Variants in DTX1 observed in about 807,000 individuals in gnomAD.
The protein encoded by DTX1 is E3 ubiquitin-protein ligase DTX1.
In DTX1, 26 loss-of-function variants were observed where a neutral mutation model predicts 57.8. The ratio of observed to expected loss-of-function variants is 0.45; its 90% CI spans 0.33 to 0.62. The LOEUF is 0.62. DTX1 is among the 20% of genes least tolerant of loss of function. The pLI, the probability that DTX1 is intolerant of heterozygous loss-of-function variation, is 0.02. For missense variants in DTX1, 704 were observed against 895.3 expected, an observed-to-expected ratio of 0.79 and a Z score of 2.73; for synonymous variants, 398 against 394.1, an observed-to-expected ratio of 1.01 and a Z score of -0.12.
intron 3 of DTX1, among the ~76,000 whole-genome samples, chr12:113,085,431 A>G (rs193019994): frequency 3.7e-4 from 57 of 152,300 alleles, no homozygotes; most frequent in Admixed American, 3.6e-3. Flanking sequence ...GATAATTCCT[A>G]AAGAGACGTC....
chr12:113,072,064 C>T (rs144525161), intron 2 of DTX1, among the ~76,000 whole-genome samples: 23 of 152,336 alleles, frequency 1.5e-4, no homozygotes, highest in African/African-American at 5.3e-4. Context: ...CCTGAGGGTC[C>T]TCCCCAGGGA....
chr12:113,079,196 G>A (rs1193196036), intron 3 of DTX1, among the ~76,000 whole-genome samples: 1 of 152,100 alleles, frequency 6.6e-6, no homozygotes, highest in Non-Finnish European at 1.5e-5. Flanking sequence ...CAAAGACCTT[G>A]AACTTGGGAC....
intron 3 of DTX1, among the ~76,000 whole-genome samples, chr12:113,080,089 A>T (rs1022097389): frequency 7.2e-6 from 1 of 139,058 alleles, no homozygotes; most frequent in African/African-American, 2.6e-5. Context: ...TTTTCCAGGG[A>T]TGCATCACAG....
rs763197363 is a variant in DTX1 at position 113,077,390 on chromosome 12, C to T, written c.260-34C>T. 6.4e-7 allele frequency: 1 copy of T among 1,564,676 alleles called. No homozygotes were observed. The highest frequency in any genetic ancestry group is 2.2e-5 in the East Asian group (1 of 44,566). On this transcript the variant is annotated intron_variant, in intron 2 of 9. Coordinates refer to ENST00000548759, the MANE Select transcript of DTX1 (RefSeq NM_004416.3). This position sits in a 1 kb window ranked among gnomAD's most constrained non-coding sequence, Gnocchi z 7.8. ...TTCCAGCCGCGCAGACCAACGCCCG[C>T]TGTGCTGACGCCTCCTCCCCATTTC...
At chr12:113,088,991 G>A (rs1950226768) in intron 3 of DTX1, among the ~76,000 whole-genome samples, 1 of 152,158 alleles carries the variant, frequency 6.6e-6, no homozygotes, top group African/African-American at 2.4e-5. Context: ...CTCTAGCCAG[G>A]ACAACAGAGC....
intron 3 of DTX1, among the ~76,000 whole-genome samples, chr12:113,085,053 C>CTT (rs139788602): frequency 1.3e-3 from 191 of 142,778 alleles, no homozygotes; most frequent in East Asian, 0.011. Flanking sequence ...GGCCCGTACC[C>CTT]TTTTTTTTTT....
chr12:113,060,663 A>G (rs1389418417), intron 2 of DTX1, among the ~76,000 whole-genome samples: 4 of 152,236 alleles, frequency 2.6e-5, no homozygotes, highest in African/African-American at 9.6e-5. Context: ...AGAACTTTGA[A>G]TTTGATCCAG....
At chr12:113,074,998 A>G (rs759473108) in intron 2 of DTX1, among the ~76,000 whole-genome samples, 3 of 152,172 alleles carry the variant, frequency 2.0e-5, no homozygotes, top group South Asian at 4.1e-4. Context: ...AAACCTCTCC[A>G]GGGAAGGGTC....
rs1728230622 is a variant in DTX1, at chr12:113,058,031, T to C, written c.-162T>C. On this transcript the variant is annotated 5_prime_UTR_variant, in exon 2 of 10. Transcript: ENST00000548759. ...CCTGGATGGCCATCCCACATTCCTTTAACGGAGGTCTCTAGGCCTCAGAGA... is the reference window on the plus strand; with the variant it reads ...CCTGGATGGCCATCCCACATTCCTTCAACGGAGGTCTCTAGGCCTCAGAGA... 8.3e-7 allele frequency: 1 copy of C among 1,201,936 alleles called. No homozygotes were observed. Among genetic ancestry groups the C allele is most frequent in the Non-Finnish European group, 1.1e-6 (1 of 888,224 alleles). 74.5% of individuals were successfully genotyped at this position (1,201,936 alleles called of 1,614,324 possible).
chr12:113,092,091 A>G (rs1409394556), intron 3 of DTX1, among the ~76,000 whole-genome samples: 1 of 152,126 alleles, frequency 6.6e-6, no homozygotes, highest in Admixed American at 6.5e-5. Flanking sequence ...GAGGATCAAG[A>G]AGTTAAGTGA....
chr12:113,089,455 C>T (rs1358199828), intron 3 of DTX1, among the ~76,000 whole-genome samples: 1 of 152,150 alleles, frequency 6.6e-6, no homozygotes, highest in East Asian at 1.9e-4. Context: ...TCCTCAGGTC[C>T]TGTGCCAGCC....
At chr12:113,090,470 G>A (rs981908227) in intron 3 of DTX1, among the ~76,000 whole-genome samples, 1 of 152,152 alleles carries the variant, frequency 6.6e-6, no homozygotes, top group Admixed American at 6.5e-5. Flanking sequence ...GCCAAATGAT[G>A]AGCTTTACAT....
intron 2 of DTX1, among the ~76,000 whole-genome samples, chr12:113,065,918 G>A (rs2044700711): frequency 6.6e-6 from 1 of 152,120 alleles, no homozygotes; most frequent in South Asian, 2.1e-4. Flanking sequence ...GATGTTCTTG[G>A]TGCATGGGGG....
At chr12:113,069,305 G>C (rs1454446504) in intron 2 of DTX1, among the ~76,000 whole-genome samples, 1 of 152,118 alleles carries the variant, frequency 6.6e-6, no homozygotes, top group African/African-American at 2.4e-5. Flanking sequence ...TGGGAAGCCA[G>C]GTGACCAGAA....
intron 3 of DTX1, among the ~76,000 whole-genome samples, chr12:113,081,841 G>A (rs541376402): frequency 1.5e-4 from 23 of 152,152 alleles, no homozygotes; most frequent in Non-Finnish European, 2.6e-4. Flanking sequence ...ACCACCGGGG[G>A]ATAGAGGCTC....
chr12:113,087,139 C>T (rs904872902), intron 3 of DTX1, among the ~76,000 whole-genome samples: 3 of 149,494 alleles, frequency 2.0e-5, no homozygotes, highest in South Asian at 2.1e-4. Context: ...GAGTGACCCC[C>T]GCAGCCCCCA....
intron 3 of DTX1, among the ~76,000 whole-genome samples, chr12:113,080,842 T>A (rs1351620574): frequency 6.6e-6 from 1 of 151,400 alleles, no homozygotes; most frequent in African/African-American, 2.4e-5. Flanking sequence ...CCAGGCAGGG[T>A]GGTGTGCTTG....
At chr12:113,076,961 G>A (rs1254055313) in intron 2 of DTX1, among the ~76,000 whole-genome samples, 2 of 150,910 alleles carry the variant, frequency 1.3e-5, no homozygotes, top group South Asian at 2.1e-4. Flanking sequence ...GCCCTCCCCC[G>A]CACCATCCAG....
chr12:113,058,359 C>T lies in DTX1; in HGVS notation c.167C>T (p.Ala56Val), dbSNP rs1314428665. The T allele has an allele frequency of 2.5e-6, 4 of 1,612,578 alleles. No individual in the cohort carries two copies. The South Asian group carries it at 4.4e-5, about 18-fold the overall frequency. Residue 56 changes from alanine (A) to valine (V), a missense_variant, in exon 2 of 10, where the codon GCT becomes GTT. Ala to Val is a moderately conservative substitution (Grantham distance 64). This residue lies in a region of DTX1 where 237 missense variants were observed against 328.6 expected (regional missense o/e 0.72). Coordinates refer to ENST00000548759, the MANE Select transcript of DTX1 (RefSeq NM_004416.3). ...ATTGAGAACGTGCTGAAGGAGGACG[C>T]TCGCGGTTCCGTGGTCCTGGGGCAG... ...HHIENVLKED[A>V]RGSVVLGQVD...
Sources: allele counts gnomAD v4.1 joint callset (sites outside exome capture counted in the v4.1 genomes callset), GRCh38; gene constraint gnomAD v4.1.1; regional missense constraint gnomAD v4.1.1; non-coding constraint Gnocchi (gnomAD v3.1); transcripts MANE v1.5; gene names NCBI Gene and HGNC (gene_info 2026-07-23, HGNC 2026-07-21).